Variants in SPG7 observed in about 807,000 individuals in gnomAD.
The protein encoded by SPG7 is SPG7 matrix AAA peptidase subunit, paraplegin.
In SPG7, 103 loss-of-function variants were observed where a neutral mutation model predicts 81.9. That is an observed-to-expected ratio of 1.26 (90% CI 1.07 to 1.48). The LOEUF is 1.48. Among genes scored for constraint, SPG7 ranks in the 40% most tolerant of loss-of-function variants. The probability of loss-of-function intolerance (pLI) is 0.00; values close to 1 mark genes in which losing one functional copy is unlikely to be tolerated. For synonymous variants in SPG7, 534 were observed against 444.2 expected, an observed-to-expected ratio of 1.20 and a Z score of -2.54; for missense variants, 1,241 against 1,087.3, an observed-to-expected ratio of 1.14 and a Z score of -1.99.
At chr16:89,553,659 A>C (rs1215419840) in intron 14 of SPG7, 135 bp from the exon 15 acceptor site, 1 of 801,808 alleles carries the variant, frequency 1.2e-6, no homozygotes, top group Non-Finnish European at 2.1e-6. Flanking sequence ...CTCACTGTCC[A>C]GCTTCACGGT....
chr16:89,524,087 G>A lies in SPG7; in HGVS notation c.458G>A (p.Ser153Asn). The A allele has an allele frequency of 6.2e-7, 1 of 1,614,016 alleles. No individual in the cohort carries two copies. Among genetic ancestry groups the A allele is most frequent in the Non-Finnish European group, 8.5e-7 (1 of 1,180,038 alleles). Reference protein sequence around the residue: ...RTLLVIAVVMSLLNALSTSGG... With the variant: ...RTLLVIAVVMNLLNALSTSGG... Reference sequence around the variant, plus strand: ...TTGCTGGTCATCGCGGTTGTCATGAGCCTCCTGAATGCTCTCAGCACCAGC... The same window carrying A: ...TTGCTGGTCATCGCGGTTGTCATGAACCTCCTGAATGCTCTCAGCACCAGC... Residue 153 changes from serine (S) to asparagine (N), a missense_variant, in exon 4 of 17, where the codon AGC becomes AAC. Physicochemically the swap from Ser to Asn is conservative, Grantham distance 46. Transcript: ENST00000645818.
chr16:89,510,947 C>T (rs2058013260), intron 2 of SPG7, among the ~76,000 whole-genome samples: 1 of 152,208 alleles, frequency 6.6e-6, no homozygotes, highest in Non-Finnish European at 1.5e-5. Flanking sequence ...ATCCTCCCAC[C>T]TCAGCCTTCC....
At chr16:89,532,092 G>C (rs764015721) in intron 8 of SPG7, 26 bp downstream of exon 8, 25 of 1,608,770 alleles carry the variant, frequency 1.6e-5, no homozygotes, top group Non-Finnish European at 1.9e-5. Context: ...GGGGGCTGTG[G>C]GTGGGCTTGG....
intron 9 of SPG7, chr16:89,536,842 A>C: frequency 1.2e-6 from 2 of 1,614,096 alleles, no homozygotes; most frequent in Non-Finnish European, 1.7e-6. Context: ...CTCCTGTCTC[A>C]CGGAGCCCAC....
intron 9 of SPG7, chr16:89,540,414 CTG>C (rs1238875014): frequency 1.3e-5 from 2 of 152,012 alleles, no homozygotes; most frequent in African/African-American, 4.8e-5. Flanking sequence ...TAGTGAGATT[CTG>C]TCTCTAAAAA....
chr16:89,544,793 C>A (rs770539327), intron 10 of SPG7, 21 bp downstream of exon 10: 4 of 1,613,522 alleles, frequency 2.5e-6, no homozygotes, highest in Admixed American at 1.7e-5. Context: ...GGATCCCAGC[C>A]TCTCCCACTC....
chr16:89,554,363 G>A (rs371799504), intron 15 of SPG7, 123 bp from the exon 16 acceptor site: 10 of 740,016 alleles, frequency 1.4e-5, no homozygotes, highest in African/African-American at 6.9e-5. Context: ...CCTGTCGGCT[G>A]AGGAGTCCTG....
chr16:89,508,768 C>T (rs1447737273), intron 1 of SPG7, 168 bp downstream of exon 1: 2 of 812,492 alleles, frequency 2.5e-6, no homozygotes, highest in East Asian at 2.7e-5. Flanking sequence ...ACTGTTGGGG[C>T]CCTGGATCGT....
intron 9 of SPG7, 101 bp from the exon 10 acceptor site, chr16:89,544,547 G>T: frequency 7.2e-7 from 1 of 1,383,670 alleles, no homozygotes; most frequent in East Asian, 2.3e-5. Context: ...GGGCCTTAGG[G>T]GGGTCTCTCT....
intron 3 of SPG7, chr16:89,514,588 CT>C: frequency 6.6e-6 from 1 of 151,708 alleles, no homozygotes; most frequent in Non-Finnish European, 1.5e-5. Context: ...GCAAGCTCCA[CT>C]TCCTGGGTTC....
rs906015686 is a variant in SPG7 at position 89,508,541 on chromosome 16, C to T, written c.124C>T (p.Pro42Ser). ...CCCCGCCAGGCCCGGGAGGGGGCGG[C>T]CGTACATGGCCAGCAGGCCTCCGGG... ...GFPARPGRGRPYMASRPPGDL... is the reference protein window; with the variant it reads ...GFPARPGRGRSYMASRPPGDL... The change falls in exon 1 of 17, where the codon CCG becomes TCG. Residue 42 changes from proline to serine, a missense_variant. Physicochemically the swap from Pro to Ser is moderately conservative, Grantham distance 74. Coordinates refer to ENST00000645818, the MANE Select transcript of SPG7 (RefSeq NM_003119.4). 11 of 1,510,370 alleles carry T rather than the reference C, an allele frequency of 7.3e-6. No individual in the cohort carries two copies. The African/African-American group carries it at 8.7e-5, about 12-fold the overall frequency. The allele number at this position is 1,510,370 out of a possible 1,614,324, so 93.6% of individuals were successfully genotyped here. A position where few individuals can be genotyped will look rare whatever the true frequency, so the allele number is the denominator to read the frequency against.
In SPG7 at chr16:89,557,103, G is replaced by A; in HGVS notation, c.*10G>A. 1 of 1,609,134 alleles carries A rather than the reference G, an allele frequency of 6.2e-7. No homozygotes were observed. The highest frequency in any genetic ancestry group is 8.5e-7 in the Non-Finnish European group (1 of 1,178,354). On this transcript the variant is annotated 3_prime_UTR_variant, in exon 17 of 17. Transcript: ENST00000645818. The stretch of plus-strand genomic sequence containing the variant: ...GACTTGGCCCAAGTAGTTGGGAGGT[G>A]TTGGCTGCACGTGCGGGTGGTCCGG...
In SPG7 at chr16:89,524,091, C is replaced by T; in HGVS notation, c.462C>T (p.Leu154=). 1.2e-6 allele frequency: 2 copies of T among 1,614,030 alleles called. No individual in the cohort carries two copies. The highest frequency in any genetic ancestry group is 2.7e-5 in the African/African-American group (2 of 75,042). Residue 154 remains leucine, a synonymous_variant, in exon 4 of 17, where the codon CTC becomes CTT. Coordinates refer to ENST00000645818, the MANE Select transcript of SPG7 (RefSeq NM_003119.4). ...TGGTCATCGCGGTTGTCATGAGCCT[C>T]CTGAATGCTCTCAGCACCAGCGGAG... The part of the protein sequence containing the change: ...TLLVIAVVMS[L]LNALSTSGGS...
chr16:89,509,198 G>T (rs888693577), intron 1 of SPG7, among the ~76,000 whole-genome samples: 5 of 152,130 alleles, frequency 3.3e-5, no homozygotes, highest in African/African-American at 9.7e-5. Flanking sequence ...CTTTTGGGCT[G>T]ATGTTTTTTT....
upstream of SPG7, chr16:89,508,398 G>A (rs1011729629): frequency 2.7e-6 from 4 of 1,471,574 alleles, no homozygotes; most frequent in Non-Finnish European, 2.7e-6. Context: ...GGATCACGCA[G>A]GCGCGGCTTT....
chr16:89,537,202 G>A (rs539751781), intron 9 of SPG7: 1 of 1,430,666 alleles, frequency 7.0e-7, no homozygotes, highest in South Asian at 1.5e-5. Context: ...GCCGGTCGTG[G>A]GGAAATCTCA....
At position 89,532,001 on chromosome 16, in the gene SPG7, T is replaced by G. The variant is rs532511374; in HGVS notation, c.1085T>G (p.Val362Gly). The G allele has an allele frequency of 3.1e-6, 5 of 1,613,898 alleles. No individual in the cohort carries two copies. In the African/African-American group the frequency reaches 6.7e-5, roughly 22 times the overall value. ...GCGKTLLAKA[V>G]ATEAQVPFLA... ...GGGAAGACGCTGCTGGCCAAGGCGG[T>G]GGCCACGGAGGCTCAGGTGCCCTTC... Residue 362 changes from valine (V) to glycine (G), a missense_variant, in exon 8 of 17, where the codon GTG becomes GGG. Coordinates refer to ENST00000645818, the MANE Select transcript of SPG7 (RefSeq NM_003119.4).
In SPG7 at chr16:89,553,869, TCGGG is replaced by T; in HGVS notation, c.2014_2017del (p.Gly672ProfsTer26). The T allele has an allele frequency of 6.2e-7, 1 of 1,613,472 alleles. No homozygotes were observed. The highest frequency in any genetic ancestry group is 8.5e-7 in the Non-Finnish European group (1 of 1,180,012). ...AAGCAGTTTGGGATGGCACCTGGCA[TCGGG>T]CCCATCTCCTTCCCTGAGGCGCAGG... On this transcript the variant is annotated frameshift_variant, in exon 15 of 17. Coordinates refer to ENST00000645818, the MANE Select transcript of SPG7 (RefSeq NM_003119.4). LOFTEE classifies it high-confidence loss of function.
In SPG7 at chr16:89,517,616, C is replaced by CTTTTTTTTTTTTTTT. The variant is rs11318359; in HGVS notation, c.376+4585_376+4599dup. The CTTTTTTTTTTTTTTT allele has an allele frequency of 1.5e-5, 2 of 130,314 alleles. 1 individual carries two copies. The allele number at this position is 130,314 out of a possible 1,614,324, so 8.1% of individuals were successfully genotyped here. On this transcript the variant is annotated intron_variant, in intron 3 of 16. Coordinates refer to ENST00000645818, the MANE Select transcript of SPG7 (RefSeq NM_003119.4). ...CCTGCATCTGAGTAATTGTCGTCGT[C>CTTTTTTTTTTTTTTT]TTTTTTTTTTTTTTTTTTTTGAGAT...
Sources: gnomAD v4.1 joint callset for allele counts (sites outside exome capture counted in the v4.1 genomes callset) on GRCh38, gnomAD v4.1.1 for gene constraint, MANE v1.5 for transcripts, NCBI Gene and HGNC (gene_info 2026-07-23, HGNC 2026-07-21) for gene names.